Variants in GGA3 observed in about 807,000 individuals in gnomAD.
The protein encoded by GGA3 is golgi associated, gamma adaptin ear containing, ARF binding protein 3.
Under a neutral mutation model 77.5 loss-of-function variants are expected in GGA3, and 57 were observed. The observed-to-expected ratio is 0.74, with a 90% CI of 0.59 to 0.92. The LOEUF (loss-of-function observed/expected upper bound fraction) is 0.92. Among genes scored for constraint, GGA3 ranks in the 40% least tolerant of loss-of-function variants. The probability of loss-of-function intolerance (pLI) is 0.00; values close to 1 mark genes in which losing one functional copy is unlikely to be tolerated. For missense variants in GGA3, 970 were observed against 914.9 expected, an observed-to-expected ratio of 1.06 and a Z score of -0.78; for synonymous variants, 416 against 383.7, an observed-to-expected ratio of 1.08 and a Z score of -0.98.
intron 1 of GGA3, among the ~76,000 whole-genome samples, chr17:75,257,386 G>C (rs1356082965): frequency 2.0e-5 from 3 of 150,356 alleles, no homozygotes; most frequent in East Asian, 2.0e-4. Flanking sequence ...TGTTTACACT[G>C]CTGGTTTACA....
chr17:75,249,322 C>T (rs1473428), intron 1 of GGA3, among the ~76,000 whole-genome samples: 133,675 of 152,172 alleles, frequency 0.88, 60,750 homozygotes, highest in Non-Finnish European at 1. Context: ...GGATTACAGG[C>T]GGGAGCCACC....
intron 1 of GGA3, among the ~76,000 whole-genome samples, chr17:75,258,202 T>C (rs1044857238): frequency 5.9e-5 from 9 of 152,228 alleles, no homozygotes; most frequent in South Asian, 4.1e-4. Flanking sequence ...GGACTCAGCC[T>C]GCCTGCATCC....
Position 75,239,850 on chromosome 17 carries a change from A to T in GGA3, c.1522T>A (p.Leu508Met). 6.2e-7 allele frequency: 1 copy of T among 1,613,994 alleles called. No individual in the cohort carries two copies. The highest frequency in any genetic ancestry group is 8.5e-7 in the Non-Finnish European group (1 of 1,180,032). The change falls in exon 13 of 17, where the codon TTG becomes ATG. Residue 508 changes from leucine (L) to methionine (M), a missense_variant. Coordinates refer to ENST00000537686, the MANE Select transcript of GGA3 (RefSeq NM_138619.4). ...AGGTGGTGCAGCGCGCTGTTGCCCA[A>T]CGCCAAGCCATGGTGCCCAGGGACT... ...PAVPGHHGLA[L>M]GNSALHHLDA...
At chr17:75,248,960 C>T (rs1424339051) in intron 1 of GGA3, 2 of 985,280 alleles carry the variant, frequency 2.0e-6, no homozygotes, top group Non-Finnish European at 1.2e-6. Flanking sequence ...GTGTATCACC[C>T]TGCTTCCCAG....
chr17:75,246,794 T>C lies in GGA3; in HGVS notation c.43A>G (p.Lys15Glu). Residue 15 changes from lysine (K) to glutamate (E), a missense_variant and splice_region_variant, in exon 2 of 17, where the codon AAA becomes GAA. Transcript: ENST00000537686. ...EGESLESWLN[K>E]ATNPSNRQED... The stretch of plus-strand genomic sequence containing the variant: ...TGGCGGTTGGAAGGATTGGTGGCTT[T>C]ATCTTGCAACACAACAAAGAAGAGG... 1.2e-6 allele frequency: 2 copies of C among 1,610,952 alleles called. No individual in the cohort carries two copies. Among genetic ancestry groups the C allele is most frequent in the Non-Finnish European group, 1.7e-6 (2 of 1,179,200 alleles).
intron 11 of GGA3, 39 bp downstream of exon 11, chr17:75,240,773 C>CT: frequency 6.4e-7 from 1 of 1,573,380 alleles, no homozygotes; most frequent in Non-Finnish European, 8.6e-7. Context: ...TCCCAGAGCC[C>CT]TGTCAGGGGA....
Position 75,237,617 on chromosome 17 carries a change from C to A in GGA3, c.*662G>T. ...CATGAGGCCAAATTCCATGTCCTGC[C>A]AAGATGTCCATAGGACACAGCCTGC... On this transcript the variant is annotated 3_prime_UTR_variant, in exon 17 of 17. Transcript: ENST00000537686. 6.5e-7 allele frequency: 1 copy of A among 1,527,486 alleles called. No individual in the cohort carries two copies. The highest frequency in any genetic ancestry group is 8.8e-7 in the Non-Finnish European group (1 of 1,142,138). The allele number at this position is 1,527,486 out of a possible 1,614,324, so 94.6% of individuals were successfully genotyped here. A position where few individuals can be genotyped will look rare whatever the true frequency, so the allele number is the denominator to read the frequency against.
intron 1 of GGA3, chr17:75,248,922 CAGGCAG>C: frequency 2.0e-6 from 2 of 985,286 alleles, no homozygotes; most frequent in South Asian, 9.4e-5. Context: ...CGACAGCTGC[CAGGCAG>C]AGGGAAGGCC....
At chr17:75,244,844 A>C (rs1417928415) in intron 3 of GGA3, 127 bp from the exon 4 acceptor site, 3 of 694,294 alleles carry the variant, frequency 4.3e-6, no homozygotes, top group Non-Finnish European at 7.8e-6. Flanking sequence ...TCATCACGAA[A>C]AGCAGTGTGC....
At chr17:75,245,397 G>T (rs1420807052) in intron 3 of GGA3, among the ~76,000 whole-genome samples, 1 of 152,162 alleles carries the variant, frequency 6.6e-6, no homozygotes, top group African/African-American at 2.4e-5. Context: ...GTGTCGAACA[G>T]CATCCCTGGC....
Position 75,237,515 on chromosome 17 carries a change from A to G in GGA3, c.*764T>C. 3 of 1,536,042 alleles carry G rather than the reference A, an allele frequency of 2.0e-6. No homozygotes were observed. Among genetic ancestry groups the G allele is most frequent in the Non-Finnish European group, 2.6e-6 (3 of 1,146,830 alleles). On this transcript the variant is annotated 3_prime_UTR_variant, in exon 17 of 17. Transcript: ENST00000537686. ...ACGGCTGGAGGCACGCTTTTCCCAGAAAGCTGAGTACCTGCTTCTGGAGAA... is the reference window on the plus strand; with the variant it reads ...ACGGCTGGAGGCACGCTTTTCCCAGGAAGCTGAGTACCTGCTTCTGGAGAA...
chr17:75,239,936 G>A lies in GGA3; in HGVS notation c.1436C>T (p.Ala479Val), dbSNP rs770907958. 68 of 1,592,656 alleles carry A rather than the reference G, an allele frequency of 4.3e-5. No homozygotes were observed. The highest frequency in any genetic ancestry group is 1.8e-4 in the Middle Eastern group (1 of 5,448). ...TCCAGTAGAAAACAAGGAGGAGCCC[G>A]CACTGGGGGCAGGAACACTGGCTGG... ...VVPASVPAPS[A>V]GSSLFSTGVA... Residue 479 changes from alanine to valine, a missense_variant, in exon 13 of 17, where the codon GCG becomes GTG. By Grantham distance (64) the Ala-to-Val change is moderately conservative. Coordinates refer to ENST00000537686, the MANE Select transcript of GGA3 (RefSeq NM_138619.4).
chr17:75,261,718 A>G, upstream of GGA3: 2 of 1,145,072 alleles, frequency 1.7e-6, no homozygotes, highest in Middle Eastern at 4.1e-4. Flanking sequence ...TGCGACGGAT[A>G]CAGGGAGGGC....
In GGA3 at chr17:75,240,947, T is replaced by C. The variant is rs754478391; in HGVS notation, c.1057A>G (p.Ile353Val). 1 of 1,613,998 alleles carries C rather than the reference T, an allele frequency of 6.2e-7. No homozygotes were observed. Among genetic ancestry groups the C allele is most frequent in the Non-Finnish European group, 8.5e-7 (1 of 1,179,944 alleles). ...APAPTPPSSG[I>V]PILPPPPQAS... ...TGGGGTGGTGGAGGGAGGATTGGGA[T>C]GCCTGAGGAGGGTGGAGTAGGTGCT... is the stretch of plus-strand genomic sequence containing the variant. The change falls in exon 11 of 17, where the codon ATC becomes GTC. Residue 353 changes from isoleucine to valine, a missense_variant. Coordinates refer to ENST00000537686, the MANE Select transcript of GGA3 (RefSeq NM_138619.4).
upstream of GGA3, chr17:75,262,014 C>A (rs775886894): frequency 2.1e-5 from 33 of 1,599,050 alleles, no homozygotes; most frequent in East Asian, 6.7e-4. Context: ...GGCGGGGGGG[C>A]GCTGCGAGGA....
intron 1 of GGA3, among the ~76,000 whole-genome samples, chr17:75,248,468 CAAAAAAA>C (rs59182526): frequency 4.0e-4 from 8 of 19,778 alleles, no homozygotes; most frequent in East Asian, 2.1e-3. Flanking sequence ...GACTCCGTCT[CAAAAAAA>C]AAAAAAAAAA....
At position 75,239,577 on chromosome 17, in the gene GGA3, A is replaced by AGGTGGGAAG. The variant is rs1468397908; in HGVS notation, c.1584-15_1584-7dup. ...GTTTCACCAAGCCCGAGGTCCTGGG[A>AGGTGGGAAG]GGTGGGAAGGATGGAAAGCACGTCA... On this transcript the variant is annotated splice_polypyrimidine_tract_variant and splice_region_variant and intron_variant, in intron 13 of 16. Transcript: ENST00000537686. 6.4e-7 allele frequency: 1 copy of AGGTGGGAAG among 1,552,774 alleles called. No homozygotes were observed. Among genetic ancestry groups the AGGTGGGAAG allele is most frequent in the African/African-American group, 1.4e-5 (1 of 73,102 alleles).
rs186539189 is a variant in GGA3 at position 75,253,534 on chromosome 17, C to A, written c.41-6738G>T. Among the ~76,000 whole-genome samples, 153 of 152,246 alleles carry A rather than the reference C, an allele frequency of 1.0e-3. 1 individual carries two copies. The East Asian group carries it at 0.018, about 17-fold the overall frequency. On this transcript the variant is annotated intron_variant, in intron 1 of 16. Transcript: ENST00000537686. Reference sequence around the variant, plus strand: ...TCTGGGGGAGGGGCAAGTACCACAACCCCTTCTCTCCGTGTCTCTACCCCT... The same window carrying A: ...TCTGGGGGAGGGGCAAGTACCACAAACCCTTCTCTCCGTGTCTCTACCCCT...
intron 1 of GGA3, chr17:75,248,880 C>T (rs2076861840): frequency 5.1e-6 from 5 of 984,572 alleles, no homozygotes; most frequent in Non-Finnish European, 6.0e-6. Flanking sequence ...CCAGCTCCTT[C>T]ACTGGCAACA....
Sources: gnomAD v4.1 joint callset for allele counts (sites outside exome capture counted in the v4.1 genomes callset) on GRCh38, gnomAD v4.1.1 for gene constraint, MANE v1.5 for transcripts, NCBI Gene and HGNC (gene_info 2026-07-23, HGNC 2026-07-21) for gene names.